Variants in RSRP1 observed in about 807,000 individuals in gnomAD.
RSRP1 encodes arginine/serine-rich protein 1.
RSRP1 carries 37 observed loss-of-function variants against 33.0 expected under a neutral mutation model. The observed-to-expected ratio is 1.12, with a 90% CI of 0.86 to 1.48. The LOEUF (loss-of-function observed/expected upper bound fraction) is 1.48, where lower values mean the gene tolerates loss of function less well. Ranked by LOEUF, RSRP1 falls within the 40% of genes most tolerant of loss-of-function variation. The pLI is 0.00. For missense variants in RSRP1, 402 were observed against 385.3 expected, an observed-to-expected ratio of 1.04 and a Z score of -0.36; for synonymous variants, 167 against 158.7, an observed-to-expected ratio of 1.05 and a Z score of -0.40.
rs1384267021 is a variant in RSRP1 at position 25,276,762 on chromosome 1, T to A, written c.-66-29733A>T. 4.6e-5 allele frequency among the ~76,000 whole-genome samples: 6 copies of A among 130,880 alleles called. 1 individual carries two copies. In the South Asian group the frequency reaches 1.4e-3, roughly 30 times the overall value. The allele number at this position is 130,880 out of a possible 152,430, so 85.9% of individuals were successfully genotyped here. ...TGAAGCGAGGCTGTAATAACAAATTTAAAAATATAAATAAAACATAAAGGC... is the reference window on the plus strand; with the variant it reads ...TGAAGCGAGGCTGTAATAACAAATTAAAAAATATAAATAAAACATAAAGGC... On this transcript the variant is annotated intron_variant, in intron 1 of 1. Coordinates refer to the RSRP1 transcript ENST00000561867.
Position 25,283,392 on chromosome 1 carries a change from A to G in RSRP1, c.-66-36363T>C, listed in dbSNP as rs1234310145. On this transcript the variant is annotated intron_variant, in intron 1 of 1. Transcript: ENST00000561867. ...TTAAAAATACAAAAATTAGCCGGGCACGGTGGCAGGCACCTGTAATCCCAG... is the reference window on the plus strand; with the variant it reads ...TTAAAAATACAAAAATTAGCCGGGCGCGGTGGCAGGCACCTGTAATCCCAG... 1.5e-5 allele frequency among the ~76,000 whole-genome samples: 2 copies of G among 131,276 alleles called. 1 individual carries two copies. Among genetic ancestry groups the G allele is most frequent in the Non-Finnish European group, 3.6e-5 (2 of 55,540 alleles). The allele number at this position is 131,276 out of a possible 152,430, so 86.1% of individuals were successfully genotyped here. A position where few individuals can be genotyped will look rare whatever the true frequency, so the allele number is the denominator to read the frequency against.
In RSRP1 at chr1:25,246,819, C is replaced by G; in HGVS notation, c.145G>C (p.Val49Leu). ...FSRSSRSHSR[V>L]SSRFSSRSRR... ...CTCCTGGACGAAAACCGGCTCGAGA[C>G]GCGGGAATGGGACCGAGAGCTTCTG... Residue 49 changes from valine (V) to leucine (L), a missense_variant, in exon 2 of 5, where the codon GTC (valine) becomes CTC (leucine). By Grantham distance (32) the Val-to-Leu change is conservative (BLOSUM62 1). Transcript: ENST00000243189. 4 of 1,613,472 alleles carry G rather than the reference C, an allele frequency of 2.5e-6. No individual in the cohort carries two copies. Among genetic ancestry groups the G allele is most frequent in the Non-Finnish European group, 2.5e-6 (3 of 1,179,798 alleles).
intron 1 of RSRP1, among the ~76,000 whole-genome samples, chr1:25,264,336 G>A (rs549107114): frequency 2.0e-5 from 3 of 152,016 alleles, no homozygotes; most frequent in Non-Finnish European, 2.9e-5. Flanking sequence ...AGGCATTTCC[G>A]CACATCCTCT....
chr1:25,307,119 A>C lies in RSRP1; in HGVS notation c.-67+30859T>G, dbSNP rs1265255225. Among the ~76,000 whole-genome samples, 6 of 132,614 alleles carry C rather than the reference A, an allele frequency of 4.5e-5. 3 individuals carry two copies. The highest frequency in any genetic ancestry group is 1.1e-4 in the Non-Finnish European group (6 of 56,094). 87.0% of individuals were successfully genotyped at this position (132,614 alleles called of 152,430 possible). A position where few individuals can be genotyped will look rare whatever the true frequency, so the allele number is the denominator to read the frequency against. Reference sequence around the variant, plus strand: ...ATGTGGCTTAACCTTTCTCAGCCTCAGTCGCCCCATTGTAAATGGAGATAA... The same window carrying C: ...ATGTGGCTTAACCTTTCTCAGCCTCCGTCGCCCCATTGTAAATGGAGATAA... On this transcript the variant is annotated intron_variant, in intron 1 of 1. Coordinates refer to the RSRP1 transcript ENST00000561867.
In RSRP1 at chr1:25,246,612, T is replaced by C; in HGVS notation, c.352A>G (p.Arg118Gly). ...PSRYRSRSRS[R>G]SRSRGRSYCG... is the part of the protein sequence containing the mutation. ...TACGACCTTCCCCGAGAGCGCGACC[T>C]GCTACGGGACCGGGACCGGTACCGC... Residue 118 changes from arginine to glycine, a missense_variant, in exon 2 of 5, where the codon AGG becomes GGG. Coordinates refer to ENST00000243189, the MANE Select transcript of RSRP1 (RefSeq NM_020317.5). 2 of 1,614,010 alleles carry C rather than the reference T, an allele frequency of 1.2e-6. No homozygotes were observed. The highest frequency in any genetic ancestry group is 1.7e-6 in the Non-Finnish European group (2 of 1,179,996).
chr1:25,300,928 T>C (rs771978266), intron 1 of RSRP1: 2 of 1,376,734 alleles, frequency 1.5e-6, no homozygotes, highest in South Asian at 2.4e-5. Context: ...TCACTGCTCT[T>C]ACTGGGTTTT....
intron 1 of RSRP1, among the ~76,000 whole-genome samples, chr1:25,319,465 G>T (rs1192352022): frequency 1.5e-5 from 2 of 131,756 alleles, no homozygotes; most frequent in South Asian, 2.3e-4. Context: ...ACAAAAATTA[G>T]CCAGGCGTGG....
rs1282354734 is a variant in RSRP1 at position 25,307,435 on chromosome 1, A to G, written c.-67+30543T>C. Among the ~76,000 whole-genome samples, 3 of 132,482 alleles carry G rather than the reference A, an allele frequency of 2.3e-5. 1 individual carries two copies. The highest frequency in any genetic ancestry group is 7.8e-5 in the African/African-American group (3 of 38,444). 86.9% of individuals were successfully genotyped at this position (132,482 alleles called of 152,430 possible). A position where few individuals can be genotyped will look rare whatever the true frequency, so the allele number is the denominator to read the frequency against. Reference sequence around the variant, plus strand: ...TATAAAATGAAAAAGTGAATTGGGCACGATACAGGGATAGATTTTTAGAGA... The same window carrying G: ...TATAAAATGAAAAAGTGAATTGGGCGCGATACAGGGATAGATTTTTAGAGA... On this transcript the variant is annotated intron_variant, in intron 1 of 1. Transcript: ENST00000561867.
rs1447263598 is a variant in RSRP1 at position 25,242,544 on chromosome 1, A to G, written c.*45T>C. On this transcript the variant is annotated 3_prime_UTR_variant, in exon 5 of 5. Coordinates refer to ENST00000243189, the MANE Select transcript of RSRP1 (RefSeq NM_020317.5). The stretch of plus-strand genomic sequence containing the variant: ...ATAATGCTAGAAACACTAACTTGCA[A>G]TAAAGTGCAGTTTTCATGCAAACTT... 8.2e-7 allele frequency: 1 copy of G among 1,212,210 alleles called. No homozygotes were observed. The allele number at this position is 1,212,210 out of a possible 1,614,324, so 75.1% of individuals were successfully genotyped here.
rs756018237 is a variant in RSRP1, at chr1:25,284,590, G to C, written c.-66-37561C>G. 37 of 1,389,262 alleles carry C rather than the reference G, an allele frequency of 2.7e-5. 12 individuals carry two copies. The highest frequency in any genetic ancestry group is 1.8e-4 in the Middle Eastern group (1 of 5,544). The allele number at this position is 1,389,262 out of a possible 1,614,324, so 86.1% of individuals were successfully genotyped here. A position where few individuals can be genotyped will look rare whatever the true frequency, so the allele number is the denominator to read the frequency against. ...CCGAGCAGTTGGCCAAGATCTGACC[G>C]TGATGGCGGCCATTGGCTTGGGCTT... is the stretch of plus-strand genomic sequence containing the variant. On this transcript the variant is annotated intron_variant, in intron 1 of 1. Transcript: ENST00000561867.
At chr1:25,263,215 G>A (rs1640212453) in intron 1 of RSRP1, among the ~76,000 whole-genome samples, 1 of 151,990 alleles carries the variant, frequency 6.6e-6, no homozygotes, top group Non-Finnish European at 1.5e-5. Context: ...GGTGGGCCAG[G>A]GAGAGACGGA....
rs12096700 is a variant in RSRP1 at position 25,244,150 on chromosome 1, G to A, written c.673-517C>T. 3,311 of 1,287,060 alleles carry A rather than the reference G, an allele frequency of 2.6e-3. 60 individuals carry two copies. In the African/African-American group the frequency reaches 0.044, roughly 17 times the overall value. The allele number at this position is 1,287,060 out of a possible 1,614,324, so 79.7% of individuals were successfully genotyped here. The stretch of plus-strand genomic sequence containing the variant: ...AGTGCAATTTGCTAATGCACATCCT[G>A]CACATTTCTGGAGAATTATAATAAA... On this transcript the variant is annotated intron_variant, in intron 3 of 4. Transcript: ENST00000243189.
intron 1 of RSRP1, among the ~76,000 whole-genome samples, chr1:25,282,454 C>T (rs1343336925): frequency 7.6e-6 from 1 of 131,226 alleles, no homozygotes; most frequent in East Asian, 2.0e-4. Flanking sequence ...AGGCTAGTCT[C>T]GAACTGCTGA....
chr1:25,266,897 G>A lies in RSRP1; in HGVS notation c.-66-19868C>T, dbSNP rs1221705903. The A allele has an allele frequency of 2.5e-5, 3 of 121,266 alleles. 1 individual carries two copies. Among genetic ancestry groups the A allele is most frequent in the Non-Finnish European group, 3.7e-5 (2 of 53,544 alleles). The allele number at this position is 121,266 out of a possible 1,614,324, so 7.5% of individuals were successfully genotyped here. ...TGACCAGCTACCGGACAGGCACCAAGGAGGGCTACCGAGCACCTCCCGGAC... is the reference window on the plus strand; with the variant it reads ...TGACCAGCTACCGGACAGGCACCAAAGAGGGCTACCGAGCACCTCCCGGAC... On this transcript the variant is annotated intron_variant, in intron 1 of 1. Coordinates refer to the RSRP1 transcript ENST00000561867.
In RSRP1 at chr1:25,280,251, G is replaced by C. The variant is rs1641356131; in HGVS notation, c.-66-33222C>G. On this transcript the variant is annotated intron_variant, in intron 1 of 1. Transcript: ENST00000561867. ...ACCTGGAATCAGGGAATCGGGATCA[G>C]GGGCAGCAGCTGTGCCCAATAAAGC... Among the ~76,000 whole-genome samples the C allele has an allele frequency of 2.3e-5, 3 of 128,028 alleles. No homozygotes were observed. In the South Asian group the frequency reaches 7.0e-4, roughly 30 times the overall value. The allele number at this position is 128,028 out of a possible 152,430, so 84.0% of individuals were successfully genotyped here.
At chr1:25,287,226 G>C (rs1394125429) in intron 1 of RSRP1, among the ~76,000 whole-genome samples, 4 of 135,526 alleles carry the variant, frequency 3.0e-5, no homozygotes, top group Admixed American at 7.1e-5. Flanking sequence ...GATTTCAAAT[G>C]GTGGTGGCCC....
Position 25,269,270 on chromosome 1 carries a change from T to G in RSRP1, c.-66-22241A>C, listed in dbSNP as rs1302315405. On this transcript the variant is annotated intron_variant, in intron 1 of 1. Coordinates refer to the RSRP1 transcript ENST00000561867. ...GTATTGAATATCTCATGTAATGTAC[T>G]GAGTACTGTACGGAAAGTGAAAGAC... Among the ~76,000 whole-genome samples the G allele has an allele frequency of 1.5e-5, 2 of 132,974 alleles. 1 individual carries two copies. The highest frequency in any genetic ancestry group is 3.6e-5 in the Non-Finnish European group (2 of 56,080). 87.2% of individuals were successfully genotyped at this position (132,974 alleles called of 152,430 possible).
intron 1 of RSRP1, chr1:25,329,150 A>T: frequency 4.7e-6 from 5 of 1,054,158 alleles, no homozygotes; most frequent in Non-Finnish European, 7.0e-6. Context: ...ACAGCCATGT[A>T]CCACATAACA....
At position 25,300,730 on chromosome 1, in the gene RSRP1, A is replaced by G. The variant is rs1418739852; in HGVS notation, c.-67+37248T>C. Among the ~76,000 whole-genome samples the G allele has an allele frequency of 1.5e-4, 20 of 131,626 alleles. 4 individuals carry two copies. Among genetic ancestry groups the G allele is most frequent in the Admixed American group, 1.2e-3 (17 of 13,668 alleles). The allele number at this position is 131,626 out of a possible 152,430, so 86.4% of individuals were successfully genotyped here. A position where few individuals can be genotyped will look rare whatever the true frequency, so the allele number is the denominator to read the frequency against. ...AAGCTGAGGCAGGAGAATCGCGTGA[A>G]CCTGGGAGGCAAATGTTCCAGTGAG... On this transcript the variant is annotated intron_variant, in intron 1 of 1. Coordinates refer to the RSRP1 transcript ENST00000561867.
Sources: allele counts gnomAD v4.1 joint callset (sites outside exome capture counted in the v4.1 genomes callset), GRCh38; gene constraint gnomAD v4.1.1; transcripts MANE v1.5; gene names NCBI Gene and HGNC (gene_info 2026-07-23, HGNC 2026-07-21).